The following COL4A6 variants were observed in gnomAD, a reference collection of about 807,000 sequenced individuals.
The protein encoded by COL4A6 is collagen alpha-6(IV) chain.
COL4A6 carries 59 observed loss-of-function variants against 126.7 expected under a neutral mutation model. That is an observed-to-expected ratio of 0.47 (90% CI 0.38 to 0.58). The LOEUF is 0.58. Among genes scored for constraint, COL4A6 ranks in the 20% least tolerant of loss-of-function variants. COL4A6 has a pLI of 0.00. For missense variants in COL4A6, 1,285 were observed against 1,337.3 expected, an observed-to-expected ratio of 0.96 and a Z score of 0.61; for synonymous variants, 547 against 496.6, an observed-to-expected ratio of 1.10 and a Z score of -1.35.
At chrX:108,320,572 G>A (rs1043724685) in intron 2 of COL4A6, among the ~76,000 whole-genome samples, 1 of 111,421 alleles carries the variant, frequency 9.0e-6, no homozygotes, top group African/African-American at 3.3e-5. Flanking sequence ...TGACTCTGGC[G>A]GGGTTAAAGA....
At chrX:108,322,613 C>T (rs748393422) in intron 2 of COL4A6, among the ~76,000 whole-genome samples, 2 of 112,072 alleles carry the variant, frequency 1.8e-5, no homozygotes, top group Non-Finnish European at 1.9e-5. Context: ...CAAGTAAATG[C>T]TTAACACACA....
chrX:108,289,284 T>G (rs957657819), intron 3 of COL4A6, among the ~76,000 whole-genome samples: 1 of 109,079 alleles, frequency 9.2e-6, no homozygotes, highest in Non-Finnish European at 1.9e-5. Context: ...TGTGTGTGTG[T>G]GTATCAGAGT....
intron 14 of COL4A6, 150 bp downstream of exon 14, chrX:108,196,361 G>T: frequency 2.0e-6 from 1 of 504,655 alleles, no homozygotes. Context: ...GGGGCTAAGA[G>T]AGAAGGAGGT....
intron 2 of COL4A6, among the ~76,000 whole-genome samples, chrX:108,331,703 C>T (rs921745840): frequency 2.2e-4 from 25 of 111,389 alleles, no homozygotes; most frequent in African/African-American, 5.9e-4. Context: ...GAAGAGATGA[C>T]GTTGCTGTCT....
chrX:108,352,805 C>G (rs2039874840), intron 2 of COL4A6, among the ~76,000 whole-genome samples: 1 of 112,400 alleles, frequency 8.9e-6, no homozygotes, highest in African/African-American at 3.2e-5. Flanking sequence ...TACGTGCTTA[C>G]AGCCCTCTGT....
In COL4A6 at chrX:108,399,950, A is replaced by AGCC. The variant is rs562842075; in HGVS notation, c.63+37989_63+37991dup. ...TACTGTGTTCCTTTTAGTGCCTGAA[A>AGCC]GCCATTCTATTGCTGTCATCATGAC... On this transcript the variant is annotated intron_variant, in intron 2 of 44. Coordinates refer to ENST00000334504, the MANE Select transcript of COL4A6 (RefSeq NM_033641.4). Among the ~76,000 whole-genome samples, 3 of 111,540 alleles carry AGCC rather than the reference A, an allele frequency of 2.7e-5. No homozygotes were observed. The South Asian group carries it at 1.1e-3, about 42-fold the overall frequency.
chrX:108,261,633 C>T (rs1365804979), intron 3 of COL4A6, among the ~76,000 whole-genome samples: 1 of 111,438 alleles, frequency 9.0e-6, no homozygotes, highest in East Asian at 2.8e-4. Context: ...ATCAGTAGCT[C>T]TAAACCATTG....
intron 3 of COL4A6, among the ~76,000 whole-genome samples, chrX:108,256,140 T>G (rs2036998779): frequency 8.9e-6 from 1 of 112,437 alleles, no homozygotes. Context: ...ATTCTAATTG[T>G]ATTGTATGTA....
At chrX:108,177,280 C>T (rs771943124) in intron 27 of COL4A6, among the ~76,000 whole-genome samples, 1 of 112,380 alleles carries the variant, frequency 8.9e-6, no homozygotes, top group African/African-American at 3.2e-5. Flanking sequence ...CTGATTATAA[C>T]TTTTTGTCTC....
At chrX:108,312,233 A>G (rs780249100) in intron 2 of COL4A6, among the ~76,000 whole-genome samples, 1 of 112,130 alleles carries the variant, frequency 8.9e-6, no homozygotes, top group Non-Finnish European at 1.9e-5. Context: ...CCTAATTCCT[A>G]GAGAGCACTG....
intron 3 of COL4A6, among the ~76,000 whole-genome samples, chrX:108,261,514 A>G (rs138595001): frequency 0.03 from 3,305 of 111,450 alleles, 118 homozygotes; most frequent in African/African-American, 0.1. Context: ...AGTTGGAACT[A>G]GAATCCAGCT....
At chrX:108,299,749 C>T (rs936585251) in intron 3 of COL4A6, among the ~76,000 whole-genome samples, 1 of 111,728 alleles carries the variant, frequency 9.0e-6, no homozygotes, top group African/African-American at 3.3e-5. Flanking sequence ...AAAAGTAAAA[C>T]TGAGCTTATA....
chrX:108,228,749 C>T (rs1443014928), intron 3 of COL4A6, among the ~76,000 whole-genome samples: 1 of 112,176 alleles, frequency 8.9e-6, no homozygotes, highest in Admixed American at 9.4e-5. Flanking sequence ...ATGGAGGTAA[C>T]CAGCCCCGTG....
chrX:108,405,375 G>T (rs945984513), intron 2 of COL4A6, among the ~76,000 whole-genome samples: 1 of 108,665 alleles, frequency 9.2e-6, no homozygotes, highest in South Asian at 4.1e-4. Flanking sequence ...AGTAGAGATG[G>T]GTTTTCACCG....
chrX:108,257,361 A>G, intron 3 of COL4A6, among the ~76,000 whole-genome samples: 1 of 111,968 alleles, frequency 8.9e-6, no homozygotes, highest in East Asian at 2.8e-4. Context: ...CTCCTGCTTT[A>G]GGGAGCATAT....
intron 5 of COL4A6, among the ~76,000 whole-genome samples, chrX:108,216,199 G>A (rs759785769): frequency 8.9e-6 from 1 of 112,061 alleles, no homozygotes; most frequent in Non-Finnish European, 1.9e-5. Context: ...AGGGATACCT[G>A]TTTACACTTT....
intron 18 of COL4A6, among the ~76,000 whole-genome samples, chrX:108,191,991 CAT>C (rs768926298): frequency 5.4e-4 from 61 of 112,221 alleles, no homozygotes; most frequent in African/African-American, 1.8e-3. Context: ...CCTTTTCCCA[CAT>C]GTCACTATAG....
chrX:108,285,354 T>C (rs1288949583), intron 3 of COL4A6, among the ~76,000 whole-genome samples: 1 of 112,435 alleles, frequency 8.9e-6, no homozygotes, highest in African/African-American at 3.2e-5. Context: ...GTGAATGTTA[T>C]ACTTCACAAT....
At chrX:108,381,473 AAGCATT>A (rs1452678709) in intron 2 of COL4A6, among the ~76,000 whole-genome samples, 26 of 112,237 alleles carry the variant, frequency 2.3e-4, no homozygotes, top group Admixed American at 2.0e-3. Flanking sequence ...TTAAAAAAAG[AAGCATT>A]GTACAGGCCA....
Sources: allele counts gnomAD v4.1 joint callset (sites outside exome capture counted in the v4.1 genomes callset), GRCh38; gene constraint gnomAD v4.1.1; transcripts MANE v1.5; gene names NCBI Gene and HGNC (gene_info 2026-07-23, HGNC 2026-07-21).